Variants in EXOC6B observed in about 807,000 individuals in gnomAD.
EXOC6B encodes SEC15 homolog B.
In EXOC6B, 54 loss-of-function variants were observed where a neutral mutation model predicts 113.5. That is an observed-to-expected ratio of 0.48 (90% CI 0.38 to 0.60). EXOC6B has a LOEUF of 0.60. Ranked by LOEUF, EXOC6B falls within the 20% of genes least tolerant of loss-of-function variation. The pLI is 0.00. For missense variants in EXOC6B, 797 were observed against 977.5 expected, an observed-to-expected ratio of 0.82 and a Z score of 2.46; for synonymous variants, 357 against 339.0, an observed-to-expected ratio of 1.05 and a Z score of -0.58.
intron 6 of EXOC6B, among the ~76,000 whole-genome samples, chr2:72,675,285 G>A (rs1676209862): frequency 1.3e-5 from 2 of 152,234 alleles, no homozygotes; most frequent in South Asian, 4.1e-4. Context: ...GATCTCTCCT[G>A]GTATAAAGAT....
At chr2:72,196,819 A>AT (rs1159066510) in intron 20 of EXOC6B, among the ~76,000 whole-genome samples, 1 of 152,178 alleles carries the variant, frequency 6.6e-6, no homozygotes, top group African/African-American at 2.4e-5. Context: ...TTATGTAAAA[A>AT]TTTAACGAGC....
At chr2:72,517,132 G>A (rs1701253710) in intron 8 of EXOC6B, among the ~76,000 whole-genome samples, 2 of 152,060 alleles carry the variant, frequency 1.3e-5, no homozygotes, top group Admixed American at 1.3e-4. Context: ...AATATATGAG[G>A]GGTTGGTGGA....
chr2:72,764,901 A>T (rs1682970839), intron 1 of EXOC6B, among the ~76,000 whole-genome samples: 1 of 152,148 alleles, frequency 6.6e-6, no homozygotes, highest in Admixed American at 6.5e-5. Context: ...TCCTGGCTGG[A>T]ATCCCTTTGC....
chr2:72,801,111 C>A (rs1039019270), intron 1 of EXOC6B, among the ~76,000 whole-genome samples: 1 of 152,088 alleles, frequency 6.6e-6, no homozygotes. Flanking sequence ...CAGATATATG[C>A]CCCAAATTAG....
chr2:72,446,953 T>A (rs201372611), intron 18 of EXOC6B, among the ~76,000 whole-genome samples: 1 of 151,900 alleles, frequency 6.6e-6, no homozygotes, highest in Admixed American at 6.6e-5. Flanking sequence ...TACAAAAAAA[T>A]TAGCTGGGCG....
chr2:72,500,687 A>C (rs1700271200), intron 11 of EXOC6B, among the ~76,000 whole-genome samples: 1 of 152,218 alleles, frequency 6.6e-6, no homozygotes. Context: ...TCAACAAATC[A>C]GAAAAGTTAA....
chr2:72,549,754 A>G (rs1254355212), intron 8 of EXOC6B, among the ~76,000 whole-genome samples: 1 of 152,236 alleles, frequency 6.6e-6, no homozygotes, highest in Non-Finnish European at 1.5e-5. Flanking sequence ...ATATCATTCA[A>G]GAAAGGCAAG....
chr2:72,759,450 T>C (rs1469518140), intron 1 of EXOC6B, among the ~76,000 whole-genome samples: 1 of 152,230 alleles, frequency 6.6e-6, no homozygotes, highest in Admixed American at 6.5e-5. Context: ...TCCATATTGC[T>C]ATAGGCATGT....
intron 19 of EXOC6B, among the ~76,000 whole-genome samples, chr2:72,372,992 C>A (rs1691128618): frequency 6.6e-6 from 1 of 151,608 alleles, no homozygotes; most frequent in Non-Finnish European, 1.5e-5. Context: ...ACTTTAAAAT[C>A]TAAGACTTCA....
intron 16 of EXOC6B, among the ~76,000 whole-genome samples, chr2:72,488,158 A>G (rs1699535952): frequency 6.6e-6 from 1 of 152,084 alleles, no homozygotes; most frequent in Non-Finnish European, 1.5e-5. Context: ...AATCAGCAGT[A>G]TTTGTCATAA....
chr2:72,211,136 C>A (rs2104384757), intron 20 of EXOC6B, among the ~76,000 whole-genome samples: 1 of 152,262 alleles, frequency 6.6e-6, no homozygotes, highest in African/African-American at 2.4e-5. Context: ...GCGCCTGCAA[C>A]CTGTAAGACT....
chr2:72,274,970 G>A (rs1446005616), intron 20 of EXOC6B, among the ~76,000 whole-genome samples: 1 of 152,114 alleles, frequency 6.6e-6, no homozygotes, highest in Non-Finnish European at 1.5e-5. Context: ...ACAGAATGAT[G>A]CAGAGTTCTT....
At chr2:72,538,994 G>A (rs1404389744) in intron 8 of EXOC6B, among the ~76,000 whole-genome samples, 1 of 152,142 alleles carries the variant, frequency 6.6e-6, no homozygotes, top group African/African-American at 2.4e-5. Context: ...AGGAGCCAGT[G>A]AAATACATAT....
At position 72,476,042 on chromosome 2, in the gene EXOC6B, TGCTATA is replaced by T. The variant is rs548438055; in HGVS notation, c.1800+4568_1800+4573del. Among the ~76,000 whole-genome samples, 398 of 152,304 alleles carry T rather than the reference TGCTATA, an allele frequency of 2.6e-3. 1 individual carries two copies. Among genetic ancestry groups the T allele is most frequent in the African/African-American group, 9.0e-3 (373 of 41,550 alleles). On this transcript the variant is annotated intron_variant, in intron 17 of 21. Transcript: ENST00000272427. ...GAGTCAGGGCTCTAAGATGGCGGCT[TGCTATA>T]GCTGCTTAGGTCTCATGGAATGTGT...
At chr2:72,800,041 G>C (rs1407956542) in intron 1 of EXOC6B, among the ~76,000 whole-genome samples, 1 of 151,776 alleles carries the variant, frequency 6.6e-6, no homozygotes, top group African/African-American at 2.4e-5. Context: ...CTCTAGCCTG[G>C]GCAACAGAGC....
chr2:72,664,364 GCCAGCA>G (rs368064093), intron 6 of EXOC6B, among the ~76,000 whole-genome samples: 3 of 152,284 alleles, frequency 2.0e-5, no homozygotes, highest in Non-Finnish European at 2.9e-5. Flanking sequence ...GTTGCTGAGA[GCCAGCA>G]CTAGTTCCCA....
chr2:72,447,950 C>G (rs150009605), intron 18 of EXOC6B, among the ~76,000 whole-genome samples: 1,581 of 152,262 alleles, frequency 0.01, 41 homozygotes, highest in African/African-American at 0.036. Context: ...GGCCATCATT[C>G]ATACTATACT....
At chr2:72,603,833 G>A (rs1204087521) in intron 6 of EXOC6B, among the ~76,000 whole-genome samples, 1 of 151,898 alleles carries the variant, frequency 6.6e-6, no homozygotes, top group Non-Finnish European at 1.5e-5. Context: ...CAAACACTAG[G>A]CCCTCTGCAA....
intron 8 of EXOC6B, among the ~76,000 whole-genome samples, chr2:72,532,975 C>T (rs543235501): frequency 2.0e-5 from 3 of 152,200 alleles, no homozygotes; most frequent in African/African-American, 7.2e-5. Flanking sequence ...AATAAATTTA[C>T]CTATAATAAC....
Sources: gnomAD v4.1 joint callset for allele counts (sites outside exome capture counted in the v4.1 genomes callset) on GRCh38, gnomAD v4.1.1 for gene constraint, MANE v1.5 for transcripts, NCBI Gene and HGNC (gene_info 2026-07-23, HGNC 2026-07-21) for gene names.